MYRIP: variants seen among roughly 807,000 people sequenced by gnomAD.
The protein encoded by MYRIP is myosin VIIA and Rab interacting protein.
Under a neutral mutation model 98.0 loss-of-function variants are expected in MYRIP, and 49 were observed. The ratio of observed to expected loss-of-function variants is 0.50; its 90% confidence interval spans 0.40 to 0.63. The LOEUF (loss-of-function observed/expected upper bound fraction) is 0.63, where lower values mean the gene tolerates loss of function less well. Ranked by LOEUF, MYRIP falls within the 30% of genes least tolerant of loss-of-function variation. The pLI is 0.00. For synonymous variants in MYRIP, 404 were observed against 409.5 expected (o/e 0.99, Z 0.16); for missense variants, 1,004 against 1,058.2 (o/e 0.95, Z 0.71).
chr3:39,996,837 C>G (rs1352335849), intron 2 of MYRIP, among the ~76,000 whole-genome samples: 1 of 152,184 alleles, frequency 6.6e-6, no homozygotes, highest in African/African-American at 2.4e-5. Flanking sequence ...AACTATCTCT[C>G]AGACCACAGT....
intron 2 of MYRIP, among the ~76,000 whole-genome samples, chr3:39,982,853 C>T (rs1401699638): frequency 1.3e-5 from 2 of 152,070 alleles, no homozygotes; most frequent in African/African-American, 4.8e-5. Context: ...CAAAAAATTT[C>T]TCCAGGATTA....
At chr3:39,890,361 A>G (rs551783608) in intron 1 of MYRIP, among the ~76,000 whole-genome samples, 97 of 152,056 alleles carry the variant, frequency 6.4e-4, no homozygotes, top group African/African-American at 2.2e-3. Flanking sequence ...TCATTTTTTG[A>G]TATTTCCCCA....
chr3:39,960,050 C>G (rs7616656), intron 2 of MYRIP, among the ~76,000 whole-genome samples: 10,059 of 152,130 alleles, frequency 0.066, 559 homozygotes, highest in East Asian at 0.19. Context: ...CATTCCCAAT[C>G]TTAAGGAAGG....
At chr3:40,047,836 T>C (rs1265861493) in intron 3 of MYRIP, among the ~76,000 whole-genome samples, 1 of 152,192 alleles carries the variant, frequency 6.6e-6, no homozygotes, top group Non-Finnish European at 1.5e-5. Context: ...CATTCTTGTT[T>C]TTTGAAGGAT....
chr3:40,134,632 C>T (rs958050972), intron 3 of MYRIP, among the ~76,000 whole-genome samples: 1 of 152,140 alleles, frequency 6.6e-6, no homozygotes, highest in African/African-American at 2.4e-5. Context: ...GAGGCACACC[C>T]CAGTAGGGGC....
chr3:40,249,877 A>G (rs1953319939), intron 13 of MYRIP, among the ~76,000 whole-genome samples: 1 of 152,172 alleles, frequency 6.6e-6, no homozygotes, highest in African/African-American at 2.4e-5. Context: ...TATAAATCCT[A>G]TGACTTCCCT....
At chr3:40,107,089 C>T (rs890945434) in intron 3 of MYRIP, among the ~76,000 whole-genome samples, 11 of 152,192 alleles carry the variant, frequency 7.2e-5, no homozygotes, top group South Asian at 2.1e-4. Flanking sequence ...GCAACCCATG[C>T]GCTCAACTTT....
chr3:39,979,484 C>T (rs1945832009), intron 2 of MYRIP, among the ~76,000 whole-genome samples: 1 of 151,796 alleles, frequency 6.6e-6, no homozygotes, highest in South Asian at 2.1e-4. Flanking sequence ...ACTAAAAGTA[C>T]AAAATGAGCT....
chr3:40,042,272 A>T (rs1334110853), intron 2 of MYRIP, among the ~76,000 whole-genome samples: 1 of 146,652 alleles, frequency 6.8e-6, no homozygotes, highest in Non-Finnish European at 1.5e-5. Context: ...CAAGCATATA[A>T]TAAAGACTGG....
At chr3:40,017,176 C>T (rs796853876) in intron 2 of MYRIP, among the ~76,000 whole-genome samples, 18 of 152,300 alleles carry the variant, frequency 1.2e-4, no homozygotes, top group African/African-American at 4.3e-4. Flanking sequence ...ATGCAAGTCT[C>T]CTGCACTCCC....
chr3:39,983,346 C>T (rs1310051684), intron 2 of MYRIP, among the ~76,000 whole-genome samples: 1 of 152,156 alleles, frequency 6.6e-6, no homozygotes. Flanking sequence ...GTCTTCTTTG[C>T]GTATCAGGTA....
intron 1 of MYRIP, among the ~76,000 whole-genome samples, chr3:39,838,843 C>CT (rs1280973982): frequency 1.3e-5 from 2 of 152,102 alleles, no homozygotes; most frequent in South Asian, 4.2e-4. Context: ...TGGTTCTGGG[C>CT]TTTTTTCGGT....
chr3:40,018,360 A>G (rs371634656), intron 2 of MYRIP, among the ~76,000 whole-genome samples: 1 of 152,116 alleles, frequency 6.6e-6, no homozygotes, highest in African/African-American at 2.4e-5. Context: ...CTCTCTCCAG[A>G]GCTCTATCCA....
chr3:40,240,260 G>C (rs1952964843), intron 12 of MYRIP, among the ~76,000 whole-genome samples: 1 of 152,120 alleles, frequency 6.6e-6, no homozygotes, highest in Non-Finnish European at 1.5e-5. Flanking sequence ...GTGTTCCATT[G>C]ATCTATATCT....
At position 40,190,346 on chromosome 3, in the gene MYRIP, C is replaced by G. The variant is rs1305276741; in HGVS notation, c.1548C>G (p.Ala516=). The G allele has an allele frequency of 4.0e-5, 64 of 1,613,798 alleles. No homozygotes were observed. The highest frequency in any genetic ancestry group is 5.0e-5 in the Non-Finnish European group (59 of 1,179,940). The change falls in exon 10 of 17, where the codon GCC becomes GCG. Residue 516 remains alanine, a synonymous_variant. Transcript: ENST00000302541. ...ETSDSSEPEE[A]PHTTDRRARR... is the part of the protein sequence containing the mutation. ...CGGACAGCAGCGAGCCGGAGGAGGC[C>G]CCCCACACCACAGACCGGCGGGCCA... is the stretch of plus-strand genomic sequence containing the variant.
chr3:40,151,127 CT>C lies in MYRIP; in HGVS notation c.413del (p.Leu138ArgfsTer19). 1 of 1,611,362 alleles carries C rather than the reference CT, an allele frequency of 6.2e-7. No homozygotes were observed. The highest frequency in any genetic ancestry group is 8.5e-7 in the Non-Finnish European group (1 of 1,178,670). The stretch of plus-strand genomic sequence containing the variant: ...CAAGCGCTTTGGCAGTGCCAAGGTT[CT>C]GAAGAACCTGTACAGGAAGCACCGG... ...RFKRFGSAKV[L>X]KNLYRKHRLE... On this transcript the variant is annotated frameshift_variant, in exon 4 of 17. Transcript: ENST00000302541. LOFTEE classifies it high-confidence loss of function.
intron 11 of MYRIP, among the ~76,000 whole-genome samples, chr3:40,222,575 C>G (rs866509868): frequency 2.0e-5 from 3 of 151,698 alleles, no homozygotes; most frequent in African/African-American, 7.3e-5. Flanking sequence ...CCCCCCACCC[C>G]CTCCCCATCT....
chr3:39,864,432 T>G (rs1192621376), intron 1 of MYRIP, among the ~76,000 whole-genome samples: 1 of 152,042 alleles, frequency 6.6e-6, no homozygotes, highest in African/African-American at 2.4e-5. Context: ...TTAATCTGAT[T>G]AATAACTTTA....
intron 3 of MYRIP, among the ~76,000 whole-genome samples, chr3:40,060,129 A>C (rs1947976036): frequency 6.6e-6 from 1 of 152,114 alleles, no homozygotes; most frequent in East Asian, 1.9e-4. Flanking sequence ...ACTGCCAAAC[A>C]TCAAAAATTG....
Sources: gnomAD v4.1 joint callset for allele counts (sites outside exome capture counted in the v4.1 genomes callset) on GRCh38, gnomAD v4.1.1 for gene constraint, MANE v1.5 for transcripts, NCBI Gene and HGNC (gene_info 2026-07-23, HGNC 2026-07-21) for gene names.